The following TMEM117 variants were observed in gnomAD, a reference collection of about 807,000 sequenced individuals.
TMEM117 encodes transmembrane protein 117.
Under a neutral mutation model 52.4 loss-of-function variants are expected in TMEM117, and 27 were observed. That is an observed-to-expected ratio of 0.51 (90% CI 0.38 to 0.71). The LOEUF (loss-of-function observed/expected upper bound fraction) is 0.71, where lower values mean the gene tolerates loss of function less well. TMEM117 is among the 30% of genes least tolerant of loss of function. TMEM117 has a pLI of 0.00. For missense variants in TMEM117, 556 were observed against 630.5 expected (o/e 0.88, Z 1.26); for synonymous variants, 215 against 206.3 (o/e 1.04, Z -0.36).
chr12:44,225,997 G>A (rs535123422), intron 5 of TMEM117, among the ~76,000 whole-genome samples: 12 of 152,140 alleles, frequency 7.9e-5, no homozygotes, highest in South Asian at 6.2e-4. Flanking sequence ...GACTAACGTC[G>A]CAAAAACAGT....
chr12:44,032,762 G>A (rs1234933788), intron 3 of TMEM117, among the ~76,000 whole-genome samples: 3 of 152,160 alleles, frequency 2.0e-5, no homozygotes, highest in Non-Finnish European at 4.4e-5. Context: ...TTCTGACTGA[G>A]CTCCTCTCTA....
the TMEM117 span, among the ~76,000 whole-genome samples, chr12:43,826,001 C>T: frequency 1.3e-5 from 2 of 152,192 alleles, no homozygotes; most frequent in Non-Finnish European, 1.5e-5. Context: ...TGTCTGAATC[C>T]AAATGTATTA....
At chr12:44,037,822 C>T (rs940913969) in intron 3 of TMEM117, among the ~76,000 whole-genome samples, 1 of 151,940 alleles carries the variant, frequency 6.6e-6, no homozygotes, top group Admixed American at 6.5e-5. Context: ...CTACCAGCTG[C>T]AGAGAGGAGC....
intron 3 of TMEM117, among the ~76,000 whole-genome samples, chr12:44,016,890 T>C (rs1946381350): frequency 6.6e-6 from 1 of 152,210 alleles, no homozygotes; most frequent in East Asian, 1.9e-4. Context: ...AAGTGCATTT[T>C]AATTAAGTAT....
At chr12:43,958,563 A>G (rs898769474) in intron 3 of TMEM117, among the ~76,000 whole-genome samples, 2 of 152,152 alleles carry the variant, frequency 1.3e-5, no homozygotes, top group African/African-American at 2.4e-5. Context: ...GACCTGAACA[A>G]CGTGAAGGTG....
intron 5 of TMEM117, among the ~76,000 whole-genome samples, chr12:44,239,014 T>A (rs1950031175): frequency 6.6e-6 from 1 of 152,178 alleles, no homozygotes; most frequent in South Asian, 2.1e-4. Context: ...GAGCTTATTG[T>A]CAGAAATATC....
rs116536588 is a variant in TMEM117, at chr12:44,080,557, C to G, written c.411-62968C>G. On this transcript the variant is annotated intron_variant, in intron 3 of 7. Coordinates refer to ENST00000266534, the MANE Select transcript of TMEM117 (RefSeq NM_032256.3). ...AAAGATGATGTTTTTAAGAAAGGAA[C>G]TTTTCTTAAAGAGGATAGTTTTATG... Among the ~76,000 whole-genome samples, 1,229 of 152,190 alleles carry G rather than the reference C, an allele frequency of 8.1e-3. 13 individuals are homozygous for G. The highest frequency in any genetic ancestry group is 0.028 in the African/African-American group (1,170 of 41,516).
At chr12:44,202,976 G>A (rs1021654386) in intron 4 of TMEM117, among the ~76,000 whole-genome samples, 4 of 151,888 alleles carry the variant, frequency 2.6e-5, no homozygotes, top group Admixed American at 1.3e-4. Context: ...CATATTTTTA[G>A]TAGAGACAGG....
rs1948182517 is a variant in TMEM117 at position 44,118,509 on chromosome 12, T to G, written c.411-25016T>G. On this transcript the variant is annotated intron_variant, in intron 3 of 7. Transcript: ENST00000266534. ...AACATAGGGAACAGCAATTGTATAA[T>G]AACCTCAGAGATATAGCAAAGCAAG... Among the ~76,000 whole-genome samples, 4 of 152,184 alleles carry G rather than the reference T, an allele frequency of 2.6e-5. No individual in the cohort carries two copies. In the South Asian group the frequency reaches 6.2e-4, roughly 24 times the overall value.
the TMEM117 span, among the ~76,000 whole-genome samples, chr12:43,798,032 G>A: frequency 6.6e-6 from 1 of 152,080 alleles, no homozygotes; most frequent in Non-Finnish European, 1.5e-5. Context: ...CGACAATGTT[G>A]GAAGTGAACA....
chr12:44,158,573 G>A (rs1222037398), intron 4 of TMEM117, among the ~76,000 whole-genome samples: 2 of 152,122 alleles, frequency 1.3e-5, no homozygotes, highest in Non-Finnish European at 2.9e-5. Context: ...TTTCAGCTGA[G>A]AGACAATTTT....
intron 3 of TMEM117, among the ~76,000 whole-genome samples, chr12:44,104,927 G>A (rs1222520397): frequency 1.3e-5 from 2 of 151,812 alleles, no homozygotes; most frequent in South Asian, 2.1e-4. Flanking sequence ...ATTTTCTATA[G>A]TTTGAATATG....
At chr12:44,203,615 C>A (rs1198484862) in intron 4 of TMEM117, among the ~76,000 whole-genome samples, 1 of 152,096 alleles carries the variant, frequency 6.6e-6, no homozygotes, top group African/African-American at 2.4e-5. Flanking sequence ...TTAACACTGC[C>A]TTAGCTTTGT....
chr12:44,366,872 C>A (rs568516299), intron 6 of TMEM117, among the ~76,000 whole-genome samples: 1 of 152,182 alleles, frequency 6.6e-6, no homozygotes, highest in East Asian at 1.9e-4. Context: ...AGAAGAACAG[C>A]CATCTTGACT....
intron 6 of TMEM117, among the ~76,000 whole-genome samples, chr12:44,337,517 T>C (rs1323173095): frequency 6.6e-6 from 1 of 151,964 alleles, no homozygotes; most frequent in Non-Finnish European, 1.5e-5. Context: ...GAGAAAGAGA[T>C]CTCAGGAGAT....
intron 6 of TMEM117, among the ~76,000 whole-genome samples, chr12:44,360,950 T>C (rs1387943109): frequency 6.6e-6 from 1 of 152,198 alleles, no homozygotes; most frequent in East Asian, 1.9e-4. Flanking sequence ...TTCTCATTTT[T>C]ATGGCTTTAG....
chr12:43,973,058 A>G (rs1945616765), intron 3 of TMEM117, among the ~76,000 whole-genome samples: 1 of 152,240 alleles, frequency 6.6e-6, no homozygotes, highest in Admixed American at 6.5e-5. Context: ...CCCCAAAACT[A>G]AAAACTTAGA....
the TMEM117 span, chr12:43,805,878 G>C: frequency 2.1e-6 from 3 of 1,445,176 alleles, no homozygotes; most frequent in Non-Finnish European, 2.8e-6. Context: ...CACTGTCCCA[G>C]CTCTTCCCTA....
chr12:44,206,407 T>A (rs956584147), intron 4 of TMEM117, among the ~76,000 whole-genome samples: 2 of 152,182 alleles, frequency 1.3e-5, no homozygotes, highest in East Asian at 3.9e-4. Context: ...AGATCTTGTT[T>A]ATGGCCAGTT....
Sources: gnomAD v4.1 joint callset for allele counts (sites outside exome capture counted in the v4.1 genomes callset) on GRCh38, gnomAD v4.1.1 for gene constraint, MANE v1.5 for transcripts, NCBI Gene and HGNC (gene_info 2026-07-23, HGNC 2026-07-21) for gene names.